Variants in STXBP5L observed in about 807,000 individuals in gnomAD.
STXBP5L encodes syntaxin-binding protein 5-like.
A neutral mutation model predicts 144.5 loss-of-function variants in STXBP5L; 65 were observed. That is an observed-to-expected ratio of 0.45 (90% CI 0.37 to 0.55). The LOEUF is 0.55. STXBP5L is among the 20% of genes least tolerant of loss of function. The pLI is 0.00. For synonymous variants in STXBP5L, 505 were observed against 469.6 expected (o/e 1.08, Z -0.97); for missense variants, 1,298 against 1,405.5 (o/e 0.92, Z 1.22).
chr3:121,378,647 A>G, intron 20 of STXBP5L, 69 bp from the exon 21 acceptor site: 1 of 1,467,230 alleles, frequency 6.8e-7, no homozygotes, highest in East Asian at 2.4e-5. Flanking sequence ...TTGTTAATCT[A>G]CACGCTTGTA....
chr3:121,128,586 A>G (rs2044824558), intron 7 of STXBP5L, among the ~76,000 whole-genome samples: 1 of 152,058 alleles, frequency 6.6e-6, no homozygotes, highest in Non-Finnish European at 1.5e-5. Flanking sequence ...ATATTCATGG[A>G]TTGTAGAGGC....
At chr3:121,406,464 A>C (rs1442030640) in intron 22 of STXBP5L, among the ~76,000 whole-genome samples, 1 of 152,076 alleles carries the variant, frequency 6.6e-6, no homozygotes, top group Non-Finnish European at 1.5e-5. Flanking sequence ...TGCTTAGGGA[A>C]GATTCTGGAA....
intron 20 of STXBP5L, among the ~76,000 whole-genome samples, chr3:121,373,686 G>C (rs1483709592): frequency 6.6e-6 from 1 of 152,070 alleles, no homozygotes; most frequent in Admixed American, 6.5e-5. Context: ...AGGGGAGCAG[G>C]GATCAGCCTG....
intron 3 of STXBP5L, among the ~76,000 whole-genome samples, chr3:120,993,421 T>C (rs1193860802): frequency 6.6e-6 from 1 of 152,132 alleles, no homozygotes. Flanking sequence ...TATGTTTTCT[T>C]CTAGTATTTT....
At chr3:121,129,933 C>T (rs1308491793) in intron 7 of STXBP5L, among the ~76,000 whole-genome samples, 1 of 152,042 alleles carries the variant, frequency 6.6e-6, no homozygotes, top group African/African-American at 2.4e-5. Flanking sequence ...AGCATCTCCT[C>T]TAAATTAAAG....
intron 3 of STXBP5L, among the ~76,000 whole-genome samples, chr3:120,964,358 G>A (rs1324962868): frequency 6.6e-6 from 1 of 152,128 alleles, no homozygotes; most frequent in South Asian, 2.1e-4. Flanking sequence ...TATATTAAGT[G>A]TGATGTTAAG....
At chr3:121,092,680 G>A (rs1045597302) in intron 5 of STXBP5L, among the ~76,000 whole-genome samples, 21 of 151,708 alleles carry the variant, frequency 1.4e-4, no homozygotes, top group South Asian at 4.2e-4. Context: ...GGCTGAGACA[G>A]TGGGGTTTTC....
At chr3:121,379,036 A>G in intron 21 of STXBP5L, 150 bp downstream of exon 21, 4 of 845,926 alleles carry the variant, frequency 4.7e-6, no homozygotes, top group East Asian at 5.4e-5. Context: ...GGCTGTGGCC[A>G]TAACTCCAAC....
At chr3:121,034,041 A>G (rs1946575953) in intron 3 of STXBP5L, among the ~76,000 whole-genome samples, 1 of 152,144 alleles carries the variant, frequency 6.6e-6, no homozygotes, top group African/African-American at 2.4e-5. Context: ...AGCTTTGGAT[A>G]TTATTTTAAA....
intron 22 of STXBP5L, among the ~76,000 whole-genome samples, chr3:121,400,714 A>G (rs2046851368): frequency 6.6e-6 from 1 of 152,184 alleles, no homozygotes. Context: ...GTGCTCCCTC[A>G]GGTCTGGTCT....
rs930168362 is a variant in STXBP5L at position 121,350,767 on chromosome 3, G to A, written c.2177-27949G>A. 3.2e-4 allele frequency among the ~76,000 whole-genome samples: 48 copies of A among 151,996 alleles called. 2 individuals carry two copies. The highest frequency in any genetic ancestry group is 1.1e-3 in the African/African-American group (45 of 41,346). Reference sequence around the variant, plus strand: ...TTGATCGAATCAGCTACTGAGGCTTGTGCATTCATCACGTTGTTCTCATGC... The same window carrying A: ...TTGATCGAATCAGCTACTGAGGCTTATGCATTCATCACGTTGTTCTCATGC... On this transcript the variant is annotated intron_variant, in intron 20 of 26. Coordinates refer to ENST00000471454, the MANE Select transcript of STXBP5L (RefSeq NM_001308330.2).
chr3:121,362,433 G>T (rs957038505), intron 20 of STXBP5L, among the ~76,000 whole-genome samples: 1 of 152,138 alleles, frequency 6.6e-6, no homozygotes, highest in Non-Finnish European at 1.5e-5. Flanking sequence ...GCCAGGGCTG[G>T]CACTCAAAAC....
chr3:120,978,397 A>C (rs2107848670), intron 3 of STXBP5L, among the ~76,000 whole-genome samples: 1 of 152,226 alleles, frequency 6.6e-6, no homozygotes, highest in South Asian at 2.1e-4. Context: ...CAGCTCCATC[A>C]GCTCCTTTAA....
intron 3 of STXBP5L, among the ~76,000 whole-genome samples, chr3:121,005,269 T>C (rs145949687): frequency 6.6e-6 from 1 of 152,326 alleles, no homozygotes; most frequent in African/African-American, 2.4e-5. Context: ...TTCTTCCTTA[T>C]TTAGTCTTGA....
intron 5 of STXBP5L, among the ~76,000 whole-genome samples, chr3:121,080,431 A>G (rs1046391476): frequency 7.2e-5 from 11 of 151,932 alleles, no homozygotes; most frequent in African/African-American, 2.4e-4. Context: ...TGTGAGATTT[A>G]TGCTTTAAGG....
intron 22 of STXBP5L, among the ~76,000 whole-genome samples, chr3:121,398,637 C>T (rs2046794525): frequency 6.6e-6 from 1 of 152,108 alleles, no homozygotes; most frequent in East Asian, 1.9e-4. Flanking sequence ...TTAGTATGAC[C>T]ATGCTTCCCA....
chr3:121,007,994 A>C (rs529503735), intron 3 of STXBP5L, among the ~76,000 whole-genome samples: 48 of 152,122 alleles, frequency 3.2e-4, no homozygotes, highest in African/African-American at 1.1e-3. Context: ...GGTTAATTCT[A>C]AGGTTGTAAT....
chr3:121,325,424 G>C (rs185633473), intron 20 of STXBP5L, among the ~76,000 whole-genome samples: 3 of 152,000 alleles, frequency 2.0e-5, no homozygotes, highest in African/African-American at 7.2e-5. Context: ...TTCCAAGTTA[G>C]TTATATTTGT....
chr3:121,070,325 C>A (rs1384849146), intron 5 of STXBP5L, among the ~76,000 whole-genome samples: 1 of 152,280 alleles, frequency 6.6e-6, no homozygotes, highest in Non-Finnish European at 1.5e-5. Flanking sequence ...TGCAGCCATG[C>A]AGGAACTCAC....
Sources: gnomAD v4.1 joint callset for allele counts (sites outside exome capture counted in the v4.1 genomes callset) on GRCh38, gnomAD v4.1.1 for gene constraint, MANE v1.5 for transcripts, NCBI Gene and HGNC (gene_info 2026-07-23, HGNC 2026-07-21) for gene names.